The following SPTB variants were observed in gnomAD, a reference collection of about 807,000 sequenced individuals.
SPTB encodes the protein spectrin beta chain, erythrocytic.
SPTB carries 45 observed loss-of-function variants against 256.2 expected under a neutral mutation model. That is an observed-to-expected ratio of 0.18 (90% CI 0.14 to 0.23). The LOEUF is 0.23. Among genes scored for constraint, SPTB ranks in the 10% least tolerant of loss-of-function variants. The pLI is 1.00. For synonymous variants in SPTB, 1,231 were observed against 1,243.1 expected (o/e 0.99, Z 0.21); for missense variants, 2,715 against 3,040.4 (o/e 0.89, Z 2.52).
chr14:64,775,349 T>C lies in SPTB; in HGVS notation c.4618A>G (p.Arg1540Gly). ...HTPRVEDVLQ[R>G]GQQLVEAAEI... Reference sequence around the variant, plus strand: ...GCCGCCTCCACCAGCTGCTGCCCTCTCTGCAGCACATCCTCAACCCGCGGC... The same window carrying C: ...GCCGCCTCCACCAGCTGCTGCCCTCCCTGCAGCACATCCTCAACCCGCGGC... The change falls in exon 23 of 36, where the codon AGA becomes GGA. Residue 1540 changes from arginine (R) to glycine (G), a missense_variant. By Grantham distance (125) the Arg-to-Gly change is moderately radical. This residue lies in a region of SPTB where 2,239 missense variants were observed against 2,384.4 expected (regional missense o/e 0.94). Coordinates refer to ENST00000644917, the MANE Select transcript of SPTB (RefSeq NM_001355436.2). The surrounding 1 kb of genome is among the most constrained non-coding windows in gnomAD (Gnocchi z 5.0). 6.2e-7 allele frequency: 1 copy of C among 1,613,404 alleles called. No individual in the cohort carries two copies. The highest frequency in any genetic ancestry group is 8.5e-7 in the Non-Finnish European group (1 of 1,179,690).
In SPTB at chr14:64,773,361, C is replaced by T. The variant is rs145156898; in HGVS notation, c.5037G>A (p.Ala1679=). ...DKHYAGLKDV[A]EERKRKLENM... Reference sequence around the variant, plus strand: ...TCTCCAGCTTGCGCTTGCGCTCTTCCGCCACGTCCTTCAGCCCTGCGTAGT... The same window carrying T: ...TCTCCAGCTTGCGCTTGCGCTCTTCTGCCACGTCCTTCAGCCCTGCGTAGT... Residue 1679 remains alanine, a synonymous_variant, in exon 25 of 36, where the codon GCG becomes GCA. Transcript: ENST00000644917. The T allele has an allele frequency of 9.3e-6, 15 of 1,614,080 alleles. No homozygotes were observed. Among genetic ancestry groups the T allele is most frequent in the South Asian group, 4.4e-5 (4 of 91,090 alleles).
At position 64,840,293 on chromosome 14, in the gene SPTB, TC is replaced by T. The variant is rs1367507995; in HGVS notation, c.-51-17149del. Reference sequence around the variant, plus strand: ...GTGAATCAGCTACTTCTCACCTTTCTCCTGGCCATTGAGAATACTCCACGAG... The same window carrying T: ...GTGAATCAGCTACTTCTCACCTTTCTCTGGCCATTGAGAATACTCCACGAG... On this transcript the variant is annotated intron_variant, in intron 1 of 35. Coordinates refer to ENST00000644917, the MANE Select transcript of SPTB (RefSeq NM_001355436.2). 2.0e-5 allele frequency among the ~76,000 whole-genome samples: 3 copies of T among 152,322 alleles called. No individual in the cohort carries two copies. In the East Asian group the frequency reaches 5.8e-4, roughly 29 times the overall value.
At chr14:64,769,183 A>G (rs1266495258) in intron 28 of SPTB, 65 bp from the exon 29 acceptor site, 1 of 1,449,464 alleles carries the variant, frequency 6.9e-7, no homozygotes, top group Admixed American at 1.7e-5. Context: ...GGCAGTGCGC[A>G]GATGGGTCCT....
chr14:64,773,542 G>A (rs911002), intron 24 of SPTB, 118 bp from the exon 25 acceptor site: 73,793 of 1,099,072 alleles, frequency 0.067, 2,939 homozygotes, highest in Non-Finnish European at 0.08. Flanking sequence ...AGGGAGTGAA[G>A]CTCTGGAGAA....
rs201844140 is a variant in SPTB, at chr14:64,770,920, G to C, written c.5763C>G (p.Ser1921Arg). The change falls in exon 27 of 36, where the codon AGC (serine) becomes AGG (arginine). Residue 1921 changes from serine to arginine, a missense_variant. Ser to Arg is a moderately radical substitution (Grantham distance 110). This residue lies in a region of SPTB where 2,239 missense variants were observed against 2,384.4 expected (regional missense o/e 0.94). Transcript: ENST00000644917. ...MARDLLSWMESIIRQIETQER... is the reference protein window; with the variant it reads ...MARDLLSWMERIIRQIETQER... ...CCTGGGTCTCGATCTGCCGGATGAT[G>C]CTCTCCATCCAGGAGAGGAGGTCAC... The C allele has an allele frequency of 9.9e-6, 16 of 1,613,998 alleles. No individual in the cohort carries two copies. The African/African-American group carries it at 2.0e-4, about 20-fold the overall frequency.
intron 32 of SPTB, chr14:64,757,562 A>G (rs2082032938): frequency 6.6e-6 from 1 of 152,098 alleles, no homozygotes; most frequent in African/African-American, 2.4e-5. Flanking sequence ...TGCATCTTGT[A>G]CTCTCCACCC....
At position 64,767,330 on chromosome 14, in the gene SPTB, A is replaced by G. The variant is rs146990471; in HGVS notation, c.6242T>C (p.Ile2081Thr). Residue 2081 changes from isoleucine (I) to threonine (T), a missense_variant, in exon 31 of 36, where the codon ATT becomes ACT. By Grantham distance (89) the Ile-to-Thr change is moderately conservative (BLOSUM62 -1). Coordinates refer to ENST00000644917, the MANE Select transcript of SPTB (RefSeq NM_001355436.2). Reference sequence around the variant, plus strand: ...AGTCTCCTCTGCGGGTCTCTCTGCAATCTGGCGTTCTTTCAGCTCAAGCTA... The same window carrying G: ...AGTCTCCTCTGCGGGTCTCTCTGCAGTCTGGCGTTCTTTCAGCTCAAGCTA... ...PTTLELKERQ[I>T]AERPAEETGP... 1.6e-4 allele frequency: 260 copies of G among 1,613,972 alleles called. 1 individual carries two copies. The highest frequency in any genetic ancestry group is 8.5e-4 in the Admixed American group (51 of 60,000).
At chr14:64,768,308 G>A (rs2082221859) in intron 29 of SPTB, 4 of 256,720 alleles carry the variant, frequency 1.6e-5, no homozygotes, top group Middle Eastern at 1.4e-3. Flanking sequence ...CCAAAGTGCT[G>A]GGATTATAGA....
chr14:64,803,518 C>T, intron 4 of SPTB, 89 bp downstream of exon 4: 1 of 1,531,820 alleles, frequency 6.5e-7, no homozygotes, highest in Non-Finnish European at 9.0e-7. Flanking sequence ...TGCACTAACA[C>T]CCACACTCTG....
intron 1 of SPTB, among the ~76,000 whole-genome samples, chr14:64,839,433 G>A (rs752000698): frequency 1.3e-5 from 2 of 152,164 alleles, no homozygotes; most frequent in African/African-American, 4.8e-5. Flanking sequence ...TGTAGGGTTG[G>A]GGAAACGAGT....
rs199780681 is a variant in SPTB, at chr14:64,782,480, C to T, written c.4076G>A (p.Arg1359Gln). 9.3e-6 allele frequency: 15 copies of T among 1,614,116 alleles called. No homozygotes were observed. The highest frequency in any genetic ancestry group is 1.6e-4 in the Middle Eastern group (1 of 6,062). ...LVSQKLEALH[R>Q]LWDELQATTK... ...GGTGGCCTGCAGCTCGTCCCAGAGC[C>T]GGTGCAGGGCTTCCAGCTTTTGGGA... Residue 1359 changes from arginine (R) to glutamine (Q), a missense_variant, in exon 20 of 36, where the codon CGG (arginine) becomes CAG (glutamine). Physicochemically the swap from Arg to Gln is conservative, Grantham distance 43 (BLOSUM62 1). This residue lies in a region of SPTB where 2,239 missense variants were observed against 2,384.4 expected (regional missense o/e 0.94). Transcript: ENST00000644917.
chr14:64,754,987 C>A (rs1022823570), intron 32 of SPTB: 3 of 152,314 alleles, frequency 2.0e-5, no homozygotes, highest in Non-Finnish European at 4.4e-5. Flanking sequence ...AAAGACCTGA[C>A]TGCTAAACAC....
chr14:64,807,702 C>T lies in SPTB; in HGVS notation c.149-2612G>A, dbSNP rs2139651055. 6.6e-6 allele frequency among the ~76,000 whole-genome samples: 1 copy of T among 152,398 alleles called. No homozygotes were observed. The highest frequency in any genetic ancestry group is 1.5e-5 in the Non-Finnish European group (1 of 68,044). On this transcript the variant is annotated intron_variant, in intron 2 of 35. Transcript: ENST00000644917. The surrounding 1 kb of genome is among the most constrained non-coding windows in gnomAD (Gnocchi z 4.7). ...GGCATTGGCATGCTCAGCACATTCACTCCCGCACAGCCCAGATGCTCATCC... is the reference window on the plus strand; with the variant it reads ...GGCATTGGCATGCTCAGCACATTCATTCCCGCACAGCCCAGATGCTCATCC...
At position 64,778,908 on chromosome 14, in the gene SPTB, G is replaced by A. The variant is rs1381862968; in HGVS notation, c.4563+249C>T. ...CCTGCATTCACCTGTGCCTGATGGA[G>A]GCTGAATGGCCCTGAATCCCCAACT... is the stretch of plus-strand genomic sequence containing the variant. On this transcript the variant is annotated intron_variant, in intron 22 of 35. Coordinates refer to ENST00000644917, the MANE Select transcript of SPTB (RefSeq NM_001355436.2). The surrounding 1 kb of genome is among the most constrained non-coding windows in gnomAD (Gnocchi z 5.2). Among the ~76,000 whole-genome samples, 1 of 151,972 alleles carries A rather than the reference G, an allele frequency of 6.6e-6. No individual in the cohort carries two copies. Among genetic ancestry groups the A allele is most frequent in the Non-Finnish European group, 1.5e-5 (1 of 67,984 alleles).
Position 64,760,214 on chromosome 14 carries a change from G to A in SPTB, c.6346-6421C>T, listed in dbSNP as rs541776328. ...TGTAAGCTTGACTTTTTAGGGTCCT[G>A]CCTTGCTAGGAAACTGGCTTGGGTG... is the stretch of plus-strand genomic sequence containing the variant. On this transcript the variant is annotated intron_variant, in intron 32 of 35. Transcript: ENST00000644917. This position sits in a 1 kb window ranked among gnomAD's most constrained non-coding sequence, Gnocchi z 4.3. 6.6e-6 allele frequency among the ~76,000 whole-genome samples: 1 copy of A among 152,144 alleles called. No individual in the cohort carries two copies. Among genetic ancestry groups the A allele is most frequent in the South Asian group, 2.1e-4 (1 of 4,810 alleles).
Position 64,772,103 on chromosome 14 carries a change from G to A in SPTB, c.5553+477C>T, listed in dbSNP as rs2082286474. Among the ~76,000 whole-genome samples, 1 of 152,160 alleles carries A rather than the reference G, an allele frequency of 6.6e-6. No individual in the cohort carries two copies. Among genetic ancestry groups the A allele is most frequent in the African/African-American group, 2.4e-5 (1 of 41,438 alleles). ...AGTGCCCGGTGGCTAAGTATGTGGG[G>A]TCTATAGCTAGACTGCCAGGGTCTG... is the stretch of plus-strand genomic sequence containing the variant. On this transcript the variant is annotated intron_variant, in intron 26 of 35. Coordinates refer to ENST00000644917, the MANE Select transcript of SPTB (RefSeq NM_001355436.2). The surrounding 1 kb of genome is among the most constrained non-coding windows in gnomAD (Gnocchi z 5.4).
At chr14:64,843,310 C>T (rs915299657) in intron 1 of SPTB, among the ~76,000 whole-genome samples, 5 of 152,106 alleles carry the variant, frequency 3.3e-5, no homozygotes, top group African/African-American at 1.2e-4. Context: ...GCCTGAGACA[C>T]GTCTACAGAA....
rs961616660 is a variant in SPTB at position 64,847,929 on chromosome 14, C to T, written c.-51-24784G>A. Reference sequence around the variant, plus strand: ...CCTCCACTGTCCGTGGCCAGGTGATCGCATGCATCCTTCACCTGTGAATGC... The same window carrying T: ...CCTCCACTGTCCGTGGCCAGGTGATTGCATGCATCCTTCACCTGTGAATGC... On this transcript the variant is annotated intron_variant, in intron 1 of 35. Coordinates refer to ENST00000644917, the MANE Select transcript of SPTB (RefSeq NM_001355436.2). This position sits in a 1 kb window ranked among gnomAD's most constrained non-coding sequence, Gnocchi z 5.9. Among the ~76,000 whole-genome samples, 4 of 152,162 alleles carry T rather than the reference C, an allele frequency of 2.6e-5. No homozygotes were observed. The highest frequency in any genetic ancestry group is 7.2e-5 in the African/African-American group (3 of 41,432).
At chr14:64,831,477 C>T (rs2083450113) in intron 1 of SPTB, among the ~76,000 whole-genome samples, 1 of 152,158 alleles carries the variant, frequency 6.6e-6, no homozygotes, top group Non-Finnish European at 1.5e-5. Context: ...CATGAGTAAC[C>T]TGAGAAATGC....
Sources: gnomAD v4.1 joint callset for allele counts (sites outside exome capture counted in the v4.1 genomes callset) on GRCh38, gnomAD v4.1.1 for gene constraint, gnomAD v4.1.1 regional missense constraint, Gnocchi (gnomAD v3.1) non-coding constraint, MANE v1.5 for transcripts, NCBI Gene and HGNC (gene_info 2026-07-23, HGNC 2026-07-21) for gene names.